The following CABIN1 variants were observed in gnomAD, a reference collection of about 807,000 sequenced individuals.
CABIN1 encodes the protein calcineurin binding protein 1, also known as calcineurin-binding protein cabin-1.
In CABIN1, 133 loss-of-function variants were observed where a neutral mutation model predicts 227.7. That is an observed-to-expected ratio of 0.58 (90% confidence interval 0.51 to 0.67). The LOEUF is 0.67. Ranked by LOEUF, CABIN1 falls within the 30% of genes least tolerant of loss-of-function variation. The pLI is 0.00. For missense variants in CABIN1, 2,408 were observed against 2,852.5 expected, an observed-to-expected ratio of 0.84 and a Z score of 3.55; for synonymous variants, 1,086 against 1,155.1, an observed-to-expected ratio of 0.94 and a Z score of 1.21.
intron 28 of CABIN1, among the ~76,000 whole-genome samples, chr22:24,122,178 G>A (rs1229926006): frequency 6.6e-6 from 1 of 151,818 alleles, no homozygotes; most frequent in East Asian, 1.9e-4. Context: ...CCCTTCTCTT[G>A]ATGATTTTTT....
At chr22:24,170,092 C>T (rs750087077) in intron 33 of CABIN1, 30 of 454,500 alleles carry the variant, frequency 6.6e-5, no homozygotes, top group African/African-American at 5.0e-4. Flanking sequence ...AGGGAGGAGG[C>T]CCTAATGACC....
Position 24,095,876 on chromosome 22 carries a change from G to A in CABIN1, c.3787-55G>A, listed in dbSNP as rs1465023065. On this transcript the variant is annotated intron_variant, in intron 24 of 36. Coordinates refer to ENST00000263119, the MANE Select transcript of CABIN1 (RefSeq NM_012295.4). ...TTCCAGTGTGGCTGACTGGCCTGTGGAACAAATCTTAGCAACTGGGAAGGC... is the reference window on the plus strand; with the variant it reads ...TTCCAGTGTGGCTGACTGGCCTGTGAAACAAATCTTAGCAACTGGGAAGGC... 3.1e-6 allele frequency: 5 copies of A among 1,607,826 alleles called. No individual in the cohort carries two copies. The African/African-American group carries it at 5.3e-5, about 17-fold the overall frequency.
At chr22:24,016,548 A>G (rs2035301700) in intron 1 of CABIN1, among the ~76,000 whole-genome samples, 1 of 152,160 alleles carries the variant, frequency 6.6e-6, no homozygotes, top group Admixed American at 6.5e-5. Flanking sequence ...TCTCCTATCT[A>G]TGGCCATTTA....
At chr22:24,075,062 G>C (rs187958245) in intron 18 of CABIN1, among the ~76,000 whole-genome samples, 1 of 152,260 alleles carries the variant, frequency 6.6e-6, no homozygotes, top group Admixed American at 6.5e-5. Flanking sequence ...AAATTAGCCA[G>C]GTGTGGTGGT....
At chr22:24,175,564 C>G (rs913096271) in intron 34 of CABIN1, among the ~76,000 whole-genome samples, 7 of 152,242 alleles carry the variant, frequency 4.6e-5, no homozygotes, top group African/African-American at 1.4e-4. Context: ...CCAGCAGCCA[C>G]AGGCACAGCA....
chr22:24,047,265 G>A (rs1445850283), intron 6 of CABIN1, among the ~76,000 whole-genome samples: 1 of 152,182 alleles, frequency 6.6e-6, no homozygotes, highest in African/African-American at 2.4e-5. Context: ...ACTCTCAGTG[G>A]CATTTTATGT....
intron 29 of CABIN1, among the ~76,000 whole-genome samples, chr22:24,161,112 C>T (rs2046127567): frequency 6.6e-6 from 1 of 152,178 alleles, no homozygotes; most frequent in South Asian, 2.1e-4. Flanking sequence ...GAGTCTGGGG[C>T]TTCATAAATT....
intron 29 of CABIN1, among the ~76,000 whole-genome samples, chr22:24,140,440 G>T (rs1252940123): frequency 6.6e-6 from 1 of 152,162 alleles, no homozygotes; most frequent in Non-Finnish European, 1.5e-5. Context: ...TGCTGGGGTG[G>T]CTACCCACAC....
chr22:24,174,214 A>G (rs1360884854), intron 34 of CABIN1, among the ~76,000 whole-genome samples: 2 of 151,298 alleles, frequency 1.3e-5, no homozygotes, highest in Non-Finnish European at 2.9e-5. Flanking sequence ...TGCAGCTTCA[A>G]CCTCCCTGGG....
rs2047167063 is a variant in CABIN1, at chr22:24,177,200, G to A, written c.6206-304G>A. Among the ~76,000 whole-genome samples, 1 of 152,230 alleles carries A rather than the reference G, an allele frequency of 6.6e-6. No homozygotes were observed. Among genetic ancestry groups the A allele is most frequent in the Admixed American group, 6.5e-5 (1 of 15,292 alleles). On this transcript the variant is annotated intron_variant, in intron 35 of 36. Transcript: ENST00000263119. This position sits in a 1 kb window ranked among gnomAD's most constrained non-coding sequence, Gnocchi z 4.4. Reference sequence around the variant, plus strand: ...TGTGGAAATACGACAGTTCATGCAAGCATGATGCCTGGAGGTCTTACAGAA... The same window carrying A: ...TGTGGAAATACGACAGTTCATGCAAACATGATGCCTGGAGGTCTTACAGAA...
At chr22:24,163,284 A>G (rs1569304298) in intron 29 of CABIN1, among the ~76,000 whole-genome samples, 1 of 152,130 alleles carries the variant, frequency 6.6e-6, no homozygotes, top group Non-Finnish European at 1.5e-5. Flanking sequence ...TTAACAGCTC[A>G]GGGCTGGAGG....
intron 29 of CABIN1, 65 bp from the exon 30 acceptor site, chr22:24,164,335 C>T (rs1353328283): frequency 4.4e-6 from 7 of 1,579,652 alleles, no homozygotes; most frequent in Non-Finnish European, 6.0e-6. Context: ...GGATACCAGA[C>T]AGGGTGTCCC....
intron 1 of CABIN1, among the ~76,000 whole-genome samples, chr22:24,017,461 T>G (rs974835696): frequency 6.6e-6 from 1 of 152,236 alleles, no homozygotes; most frequent in Admixed American, 6.5e-5. Context: ...ACTGAAACTC[T>G]GTATCCATTA....
At chr22:24,051,770 G>A (rs2038354731) in intron 8 of CABIN1, among the ~76,000 whole-genome samples, 1 of 152,012 alleles carries the variant, frequency 6.6e-6, no homozygotes, top group Non-Finnish European at 1.5e-5. Context: ...TAGCAACGGG[G>A]AGAGCAACAT....
At position 24,098,035 on chromosome 22, in the gene CABIN1, C is replaced by T. The variant is rs917149286; in HGVS notation, c.3960C>T (p.Asp1320=). The part of the protein sequence containing the change: ...ASEKEKACLV[D]EDSHSSAGTL... The stretch of plus-strand genomic sequence containing the variant: ...ACAGGGAGAAGGCCTGCCTGGTGGA[C>T]GAGGACTCCCACTCTTCAGCTGGGA... The change falls in exon 26 of 37, where the codon GAC becomes GAT. Residue 1320 remains aspartate (D), a synonymous_variant. Transcript: ENST00000263119. 1.7e-5 allele frequency: 28 copies of T among 1,614,050 alleles called. No individual in the cohort carries two copies. The highest frequency in any genetic ancestry group is 2.2e-5 in the East Asian group (1 of 44,892).
chr22:24,108,744 A>G (rs1321324881), intron 26 of CABIN1, among the ~76,000 whole-genome samples: 1 of 152,224 alleles, frequency 6.6e-6, no homozygotes, highest in Non-Finnish European at 1.5e-5. Flanking sequence ...TTTGGAGCAC[A>G]GACCTGATCC....
intron 26 of CABIN1, among the ~76,000 whole-genome samples, chr22:24,102,840 G>A (rs1218225578): frequency 6.6e-6 from 1 of 152,078 alleles, no homozygotes; most frequent in South Asian, 2.1e-4. Context: ...TGAGCCCCAG[G>A]TTGTAGGGTG....
intron 5 of CABIN1, among the ~76,000 whole-genome samples, 180 bp downstream of exon 5, chr22:24,041,453 A>G (rs1292506786): frequency 4.6e-5 from 7 of 152,250 alleles, no homozygotes; most frequent in Middle Eastern, 3.4e-3. Context: ...AGGCCTGGAG[A>G]GCAGGGGCTG....
chr22:24,098,395 G>A lies in CABIN1; in HGVS notation c.4117+203G>A, dbSNP rs1463451417. 9.8e-6 allele frequency: 11 copies of A among 1,122,588 alleles called. No homozygotes were observed. The Admixed American group carries it at 1.9e-4, about 20-fold the overall frequency. The allele number at this position is 1,122,588 out of a possible 1,614,324, so 69.5% of individuals were successfully genotyped here. A position where few individuals can be genotyped will look rare whatever the true frequency, so the allele number is the denominator to read the frequency against. Reference sequence around the variant, plus strand: ...CGAGACATGCTCAGGGTCGCCACCTGCCAGCTTGCCCACCTGGGAGCCAGG... The same window carrying A: ...CGAGACATGCTCAGGGTCGCCACCTACCAGCTTGCCCACCTGGGAGCCAGG... On this transcript the variant is annotated intron_variant, in intron 26 of 36. Coordinates refer to ENST00000263119, the MANE Select transcript of CABIN1 (RefSeq NM_012295.4).
Sources: allele counts gnomAD v4.1 joint callset (sites outside exome capture counted in the v4.1 genomes callset), GRCh38; gene constraint gnomAD v4.1.1; non-coding constraint Gnocchi (gnomAD v3.1); transcripts MANE v1.5; gene names NCBI Gene and HGNC (gene_info 2026-07-23, HGNC 2026-07-21).